DNER: variants seen among roughly 807,000 people sequenced by gnomAD.
DNER encodes delta/notch like EGF repeat containing, also known as delta and Notch-like epidermal growth factor-related receptor.
In DNER, 33 loss-of-function variants were observed where a neutral mutation model predicts 78.2. The ratio of observed to expected loss-of-function variants is 0.42; its 90% confidence interval spans 0.32 to 0.56. The LOEUF (loss-of-function observed/expected upper bound fraction) is 0.56, where lower values mean the gene tolerates loss of function less well. DNER is among the 20% of genes least tolerant of loss of function. The pLI is 0.11. For synonymous variants in DNER, 417 were observed against 384.8 expected (o/e 1.08, Z -0.98); for missense variants, 918 against 975.3 (o/e 0.94, Z 0.78).
At chr2:229,604,479 T>G (rs569381310) in intron 1 of DNER, among the ~76,000 whole-genome samples, 1 of 152,086 alleles carries the variant, frequency 6.6e-6, no homozygotes, top group African/African-American at 2.4e-5. Flanking sequence ...TTAAGAGAAG[T>G]TGGAGAGAGA....
intron 3 of DNER, among the ~76,000 whole-genome samples, chr2:229,587,905 T>C (rs1378339484): frequency 6.6e-6 from 1 of 152,136 alleles, no homozygotes; most frequent in East Asian, 1.9e-4. Flanking sequence ...GCTTGAATTT[T>C]AAACAAAACA....
At chr2:229,693,137 G>A (rs1326813686) in intron 1 of DNER, among the ~76,000 whole-genome samples, 1 of 151,878 alleles carries the variant, frequency 6.6e-6, no homozygotes, top group Non-Finnish European at 1.5e-5. Context: ...TTATCCCCAT[G>A]CTGCTGTTCT....
At chr2:229,436,827 C>T (rs1019876659) in intron 8 of DNER, among the ~76,000 whole-genome samples, 1 of 152,116 alleles carries the variant, frequency 6.6e-6, no homozygotes, top group Non-Finnish European at 1.5e-5. Flanking sequence ...AGACCATTAC[C>T]GGCCACTACA....
intron 1 of DNER, among the ~76,000 whole-genome samples, chr2:229,623,123 C>A (rs72991687): frequency 0.021 from 3,242 of 152,230 alleles, 45 homozygotes; most frequent in Middle Eastern, 0.034. Context: ...TTGAGACTCT[C>A]GCAGACCTCA....
At chr2:229,605,345 G>A (rs1038773394) in intron 1 of DNER, among the ~76,000 whole-genome samples, 1 of 152,108 alleles carries the variant, frequency 6.6e-6, no homozygotes, top group African/African-American at 2.4e-5. Flanking sequence ...CTATATATAA[G>A]CTATACAGGG....
At chr2:229,492,828 G>A (rs562401111) in intron 6 of DNER, among the ~76,000 whole-genome samples, 10 of 150,160 alleles carry the variant, frequency 6.7e-5, no homozygotes, top group Non-Finnish European at 1.3e-4. Context: ...ACCACCATGC[G>A]CAGCTAAGCT....
chr2:229,474,007 G>A (rs1694982394), intron 7 of DNER, among the ~76,000 whole-genome samples: 1 of 152,166 alleles, frequency 6.6e-6, no homozygotes, highest in Admixed American at 6.5e-5. Context: ...CTGGGTTGAA[G>A]CAATTCTTGT....
chr2:229,568,444 G>A (rs1338088566), intron 4 of DNER, among the ~76,000 whole-genome samples: 1 of 152,196 alleles, frequency 6.6e-6, no homozygotes, highest in East Asian at 1.9e-4. Context: ...AGTAGGAAAT[G>A]CAGGCTTTGG....
chr2:229,606,036 T>C (rs947178397), intron 1 of DNER, among the ~76,000 whole-genome samples: 6 of 152,084 alleles, frequency 3.9e-5, no homozygotes, highest in Non-Finnish European at 8.8e-5. Flanking sequence ...GAAAAAAAAT[T>C]AGATAAAATT....
intron 1 of DNER, among the ~76,000 whole-genome samples, chr2:229,704,427 T>C (rs1699794819): frequency 6.6e-6 from 1 of 152,256 alleles, no homozygotes. Flanking sequence ...GCTTTATTCA[T>C]AATCACCAGA....
intron 4 of DNER, among the ~76,000 whole-genome samples, chr2:229,554,585 G>C (rs1696811733): frequency 6.6e-6 from 1 of 152,126 alleles, no homozygotes; most frequent in African/African-American, 2.4e-5. Flanking sequence ...CCAGCTACTT[G>C]GGAGGCAGAG....
rs528247201 is a variant in DNER at position 229,569,012 on chromosome 2, T to A, written c.847+16846A>T. Among the ~76,000 whole-genome samples the A allele has an allele frequency of 1.3e-4, 20 of 152,342 alleles. No homozygotes were observed. The South Asian group carries it at 3.7e-3, about 28-fold the overall frequency. Reference sequence around the variant, plus strand: ...GTGTGTGCATATACACGAATGTGCATCTCTGTATGCATGTGCCTATGGATG... The same window carrying A: ...GTGTGTGCATATACACGAATGTGCAACTCTGTATGCATGTGCCTATGGATG... On this transcript the variant is annotated intron_variant, in intron 4 of 12. Transcript: ENST00000341772.
chr2:229,659,344 C>T (rs1265847614), intron 1 of DNER, among the ~76,000 whole-genome samples: 1 of 152,128 alleles, frequency 6.6e-6, no homozygotes, highest in Non-Finnish European at 1.5e-5. Context: ...AAGAATGACT[C>T]CCCACTCCAT....
chr2:229,494,347 G>A (rs953517005), intron 6 of DNER, among the ~76,000 whole-genome samples: 1 of 152,242 alleles, frequency 6.6e-6, no homozygotes, highest in Non-Finnish European at 1.5e-5. Flanking sequence ...GGACCTGTGA[G>A]ATCAGACAAG....
intron 12 of DNER, among the ~76,000 whole-genome samples, chr2:229,363,185 G>A (rs887330081): frequency 6.6e-6 from 1 of 152,072 alleles, no homozygotes; most frequent in Non-Finnish European, 1.5e-5. Context: ...GAGAGGGAGG[G>A]GTCTCCTTCT....
intron 1 of DNER, among the ~76,000 whole-genome samples, chr2:229,667,535 T>C (rs1699114696): frequency 6.6e-6 from 1 of 152,148 alleles, no homozygotes; most frequent in Non-Finnish European, 1.5e-5. Context: ...AGGGTGATGG[T>C]GTTCACCACT....
intron 11 of DNER, among the ~76,000 whole-genome samples, chr2:229,387,513 A>AGAG (rs1559337878): frequency 8.1e-5 from 3 of 36,872 alleles, no homozygotes; most frequent in African/African-American, 3.1e-4. Flanking sequence ...GAAAGAGAGA[A>AGAG]AGAAAGAAAG....
intron 1 of DNER, among the ~76,000 whole-genome samples, chr2:229,604,523 G>A (rs4447596): frequency 0.016 from 2,496 of 152,228 alleles, 76 homozygotes; most frequent in African/African-American, 0.056. Flanking sequence ...AGGTGCAAGA[G>A]CAGAAAAATC....
chr2:229,620,752 C>T (rs1340102055), intron 1 of DNER, among the ~76,000 whole-genome samples: 1 of 152,162 alleles, frequency 6.6e-6, no homozygotes, highest in Non-Finnish European at 1.5e-5. Context: ...CAGAATGTCA[C>T]TGTATTTGAA....
Sources: allele counts gnomAD v4.1 joint callset (sites outside exome capture counted in the v4.1 genomes callset), GRCh38; gene constraint gnomAD v4.1.1; transcripts MANE v1.5; gene names NCBI Gene and HGNC (gene_info 2026-07-23, HGNC 2026-07-21).